GJB6: variants seen among roughly 807,000 people sequenced by gnomAD.
GJB6 encodes gap junction beta-6 protein.
In GJB6, 5 loss-of-function variants were observed where a neutral mutation model predicts 5.4. The ratio of observed to expected loss-of-function variants is 0.92; its 90% confidence interval spans 0.48 to 1.93. GJB6 has a LOEUF of 1.93. Ranked by LOEUF, GJB6 falls within the 30% of genes most tolerant of loss-of-function variation. GJB6 has a pLI of 0.01. For synonymous variants in GJB6, 136 were observed against 129.6 expected, an observed-to-expected ratio of 1.05 and a Z score of -0.34; for missense variants, 298 against 326.9, an observed-to-expected ratio of 0.91 and a Z score of 0.68.
intron 4 of GJB6, among the ~76,000 whole-genome samples, chr13:20,227,305 T>C (rs1037548595): frequency 1.3e-5 from 2 of 152,120 alleles, no homozygotes; most frequent in South Asian, 2.1e-4. Flanking sequence ...GTACTAAAAA[T>C]TGGCAATCCA....
chr13:20,229,284 G>T (rs984266266), intron 4 of GJB6, among the ~76,000 whole-genome samples: 2 of 148,276 alleles, frequency 1.3e-5, no homozygotes, highest in African/African-American at 5.0e-5. Context: ...GAATAGCTGG[G>T]ACTACAGGCA....
intron 4 of GJB6, among the ~76,000 whole-genome samples, chr13:20,226,189 G>A (rs1410957562): frequency 6.6e-6 from 1 of 152,022 alleles, no homozygotes; most frequent in African/African-American, 2.4e-5. Flanking sequence ...GGCACAGGGC[G>A]GTGACCCTGG....
chr13:20,229,418 G>C (rs1482369803), intron 4 of GJB6, among the ~76,000 whole-genome samples, 162 bp downstream of exon 4: 1 of 145,634 alleles, frequency 6.9e-6, no homozygotes, highest in African/African-American at 2.5e-5. Flanking sequence ...GCCTCCCAAA[G>C]TGTTGGGATT....
chr13:20,230,670 A>C (rs181918230), intron 3 of GJB6, 28 bp downstream of exon 3: 93 of 152,306 alleles, frequency 6.1e-4, no homozygotes, highest in African/African-American at 2.2e-3. Context: ...TAACATTTAA[A>C]CTAATATATG....
intron 4 of GJB6, among the ~76,000 whole-genome samples, chr13:20,224,724 T>C (rs1398819524): frequency 2.0e-5 from 3 of 152,076 alleles, no homozygotes; most frequent in Non-Finnish European, 4.4e-5. Flanking sequence ...TAAAAGGAGG[T>C]ATCATGGACC....
intron 4 of GJB6, among the ~76,000 whole-genome samples, chr13:20,227,846 G>T (rs7330803): frequency 0.99 from 151,182 of 152,282 alleles, 75,059 homozygotes; most frequent in East Asian, 1. Context: ...TTCAAGGAGC[G>T]GTGGGAGGAT....
chr13:20,232,103 T>G (rs1166814172), intron 1 of GJB6, 91 bp downstream of exon 1: 4 of 152,182 alleles, frequency 2.6e-5, no homozygotes, highest in Non-Finnish European at 5.9e-5. Flanking sequence ...TCACCTGTTT[T>G]GTTTTCTTGG....
chr13:20,230,429 GT>G (rs781373371), intron 3 of GJB6, among the ~76,000 whole-genome samples: 17 of 152,296 alleles, frequency 1.1e-4, no homozygotes, highest in Admixed American at 7.2e-4. Flanking sequence ...AGCAATATAT[GT>G]TTGTTCATTC....
At chr13:20,229,463 A>T (rs1869916825) in intron 4 of GJB6, 117 bp downstream of exon 4, 1 of 150,900 alleles carries the variant, frequency 6.6e-6, no homozygotes, top group Non-Finnish European at 1.5e-5. Flanking sequence ...CCATCTAGGG[A>T]GTAGTTGATA....
In GJB6 at chr13:20,223,008, T is replaced by C. The variant is rs1178034000; in HGVS notation, c.473A>G (p.Tyr158Cys). The C allele has an allele frequency of 1.2e-6, 2 of 1,614,070 alleles. No homozygotes were observed. The highest frequency in any genetic ancestry group is 1.7e-6 in the Non-Finnish European group (2 of 1,180,028). Residue 158 changes from tyrosine to cysteine, a missense_variant, in exon 5 of 5, where the codon TAC becomes TGC. Tyr to Cys is a radical substitution (Grantham distance 194, BLOSUM62 -2). Coordinates refer to ENST00000647029, the MANE Select transcript of GJB6 (RefSeq NM_001110219.3). ...CACCCAGGGCAGGTGGTACCCATTG[T>C]AAAGGAAGTAAAACACATACATAAA... ...AAFMYVFYFL[Y>C]NGYHLPWVLK...
Position 20,222,859 on chromosome 13 carries a change from C to T in GJB6, c.622G>A (p.Ala208Thr). 6.2e-7 allele frequency: 1 copy of T among 1,614,088 alleles called. No homozygotes were observed. Among genetic ancestry groups the T allele is most frequent in the Non-Finnish European group, 8.5e-7 (1 of 1,180,014 alleles). Residue 208 changes from alanine to threonine, a missense_variant, in exon 5 of 5, where the codon GCA becomes ACA. Physicochemically the swap from Ala to Thr is moderately conservative, Grantham distance 58. Coordinates refer to ENST00000647029, the MANE Select transcript of GJB6 (RefSeq NM_001110219.3). Reference sequence around the variant, plus strand: ...TTCAGCAGCAGGTAGCACAACTCTGCCACGTTAAGCAGCATGCAAATCACA... The same window carrying T: ...TTCAGCAGCAGGTAGCACAACTCTGTCACGTTAAGCAGCATGCAAATCACA... ...ASVICMLLNV[A>T]ELCYLLLKVC... is the part of the protein sequence containing the mutation.
At chr13:20,231,584 C>G (rs1870086961) in intron 1 of GJB6, 79 bp from the exon 2 acceptor site, 2 of 152,286 alleles carry the variant, frequency 1.3e-5, no homozygotes, top group Non-Finnish European at 2.9e-5. Flanking sequence ...TCTCGGAAGC[C>G]CATCACGCAG....
At chr13:20,226,769 C>A (rs1047106607) in intron 4 of GJB6, among the ~76,000 whole-genome samples, 1 of 152,158 alleles carries the variant, frequency 6.6e-6, no homozygotes, top group Admixed American at 6.5e-5. Flanking sequence ...CCAAGAAACA[C>A]CTCCCATTGA....
intron 3 of GJB6, 51 bp from the exon 4 acceptor site, chr13:20,229,800 C>CG (rs1219477330): frequency 9.6e-6 from 1 of 104,496 alleles, no homozygotes; most frequent in Non-Finnish European, 2.0e-5. Context: ...ACTCCCCCCC[C>CG]CCCCGCCCCC....
intron 4 of GJB6, among the ~76,000 whole-genome samples, chr13:20,227,152 A>G (rs1384411655): frequency 2.0e-5 from 3 of 152,078 alleles, no homozygotes; most frequent in African/African-American, 7.2e-5. Flanking sequence ...TTCTAAAAAC[A>G]GGGACAATTA....
At chr13:20,226,835 C>G (rs1338081620) in intron 4 of GJB6, among the ~76,000 whole-genome samples, 1 of 152,178 alleles carries the variant, frequency 6.6e-6, no homozygotes, top group Non-Finnish European at 1.5e-5. Context: ...AAAAATGGTT[C>G]ACATTTTCTC....
Position 20,222,632 on chromosome 13 carries a change from G to T in GJB6, c.*63C>A, listed in dbSNP as rs536309664. ...GGCTACAGAAGGAACTTTCAGGTTG[G>T]TATTGCCTTCTGGAGAAGACAGAAG... is the stretch of plus-strand genomic sequence containing the variant. On this transcript the variant is annotated 3_prime_UTR_variant, in exon 5 of 5. Coordinates refer to ENST00000647029, the MANE Select transcript of GJB6 (RefSeq NM_001110219.3). 7.3e-6 allele frequency: 10 copies of T among 1,367,126 alleles called. No homozygotes were observed. Among genetic ancestry groups the T allele is most frequent in the East Asian group, 2.3e-5 (1 of 43,680 alleles). 84.7% of individuals were successfully genotyped at this position (1,367,126 alleles called of 1,614,324 possible). A position where few individuals can be genotyped will look rare whatever the true frequency, so the allele number is the denominator to read the frequency against.
intron 4 of GJB6, among the ~76,000 whole-genome samples, chr13:20,227,060 TC>T (rs953238754): frequency 4.0e-5 from 6 of 150,854 alleles, no homozygotes; most frequent in African/African-American, 7.3e-5. Context: ...AGGTCACAAC[TC>T]CCCCCCAGGA....
rs972404271 is a variant in GJB6 at position 20,222,839 on chromosome 13, C to T, written c.642G>A (p.Leu214=). The change falls in exon 5 of 5, where the codon CTG becomes CTA. Residue 214 remains leucine (L), a synonymous_variant. Transcript: ENST00000647029. Reference sequence around the variant, plus strand: ...TTGATCTCCTAAAACACACTTTCAGCAGCAGGTAGCACAACTCTGCCACGT... The same window carrying T: ...TTGATCTCCTAAAACACACTTTCAGTAGCAGGTAGCACAACTCTGCCACGT... ...LLNVAELCYL[L]LKVCFRRSKR... 1.9e-6 allele frequency: 3 copies of T among 1,614,162 alleles called. No homozygotes were observed.
Sources: gnomAD v4.1 joint callset for allele counts (sites outside exome capture counted in the v4.1 genomes callset) on GRCh38, gnomAD v4.1.1 for gene constraint, MANE v1.5 for transcripts, NCBI Gene and HGNC (gene_info 2026-07-23, HGNC 2026-07-21) for gene names.